Variants in CNTNAP1 observed in about 807,000 individuals in gnomAD.
CNTNAP1 encodes the protein contactin-associated protein 1.
Under a neutral mutation model 161.5 loss-of-function variants are expected in CNTNAP1, and 80 were observed. That is an observed-to-expected ratio of 0.50 (90% confidence interval 0.41 to 0.60). CNTNAP1 has a LOEUF of 0.60. Ranked by LOEUF, CNTNAP1 falls within the 20% of genes least tolerant of loss-of-function variation. The pLI is 0.00. For missense variants in CNTNAP1, 1,464 were observed against 1,854.8 expected (o/e 0.79, Z 3.87); for synonymous variants, 695 against 733.1 (o/e 0.95, Z 0.84).
intron 1 of CNTNAP1, chr17:42,683,450 T>G: frequency 8.2e-6 from 9 of 1,094,828 alleles, no homozygotes; most frequent in South Asian, 2.9e-5. Flanking sequence ...GGGGGCCGAG[T>G]TGGATTGAGG....
chr17:42,686,697 G>C (rs1790195274), intron 6 of CNTNAP1, among the ~76,000 whole-genome samples: 1 of 152,216 alleles, frequency 6.6e-6, no homozygotes, highest in Admixed American at 6.5e-5. Context: ...TTGCCCAAGG[G>C]CGTGCAGCCG....
chr17:42,691,995 A>G lies in CNTNAP1; in HGVS notation c.2530+4A>G. ...TATGTGCGGGTGGAACTCAACAGTGAGCAGGCAGACTGTGGGAGGGCCTCG... is the reference window on the plus strand; with the variant it reads ...TATGTGCGGGTGGAACTCAACAGTGGGCAGGCAGACTGTGGGAGGGCCTCG... On this transcript the variant is annotated splice_donor_region_variant and intron_variant, in intron 16 of 23. Transcript: ENST00000264638. This position sits in a 1 kb window ranked among gnomAD's most constrained non-coding sequence, Gnocchi z 4.3. 6.2e-7 allele frequency: 1 copy of G among 1,612,728 alleles called. No homozygotes were observed.
chr17:42,689,583 G>T lies in CNTNAP1; in HGVS notation c.1691G>T (p.Cys564Phe). 1 of 1,613,912 alleles carries T rather than the reference G, an allele frequency of 6.2e-7. No homozygotes were observed. The highest frequency in any genetic ancestry group is 2.2e-5 in the East Asian group (1 of 44,846). The change falls in exon 11 of 24, where the codon TGC becomes TTC. Residue 564 changes from cysteine to phenylalanine, a missense_variant. Transcript: ENST00000264638. ...RCYQSWDDFI[C>F]YCELTGYKGE... is the part of the protein sequence containing the mutation. ...TACCAGTCTTGGGATGACTTCATTT[G>T]CTACTGCGAACTGACGGGCTACAAG...
intron 6 of CNTNAP1, 110 bp from the exon 7 acceptor site, chr17:42,686,793 G>A: frequency 1.5e-6 from 2 of 1,303,780 alleles, no homozygotes; most frequent in Non-Finnish European, 2.1e-6. Flanking sequence ...TGTGTTTTAA[G>A]TCTTTTACAA....
intron 6 of CNTNAP1, among the ~76,000 whole-genome samples, chr17:42,686,418 T>TTC: frequency 6.6e-6 from 1 of 150,594 alleles, no homozygotes; most frequent in African/African-American, 2.4e-5. Flanking sequence ...TTCCAATTCC[T>TTC]GAATATCCTA....
chr17:42,688,772 T>C, intron 9 of CNTNAP1, 104 bp from the exon 10 acceptor site: 3 of 1,524,642 alleles, frequency 2.0e-6, no homozygotes, highest in South Asian at 1.2e-5. Context: ...ACTTTGGTTG[T>C]AGTCCCCTTT....
In CNTNAP1 at chr17:42,693,304, A is replaced by C; in HGVS notation, c.2760A>C (p.Ala920=). Residue 920 remains alanine, a synonymous_variant, in exon 18 of 24, where the codon GCA becomes GCC. Transcript: ENST00000264638. Reference sequence around the variant, plus strand: ...GTTGCCTACCCTTCCCAGGATCTGCAGAGCTTAAGAGACGCCCCTTTGTGG... The same window carrying C: ...GTTGCCTACCCTTCCCAGGATCTGCCGAGCTTAAGAGACGCCCCTTTGTGG... ...EYDQPLYVGS[A]ELKRRPFVGC... 6.2e-7 allele frequency: 1 copy of C among 1,614,118 alleles called. No homozygotes were observed. The highest frequency in any genetic ancestry group is 8.5e-7 in the Non-Finnish European group (1 of 1,179,996).
intron 2 of CNTNAP1, 28 bp from the exon 3 acceptor site, chr17:42,684,008 C>T (rs2052973246): frequency 1.9e-6 from 3 of 1,613,296 alleles, no homozygotes; most frequent in African/African-American, 2.7e-5. Context: ...AGAGGGATAG[C>T]CGGTTAAAGC....
chr17:42,684,370 T>C (rs1258718496), intron 3 of CNTNAP1, 141 bp downstream of exon 3: 2 of 767,660 alleles, frequency 2.6e-6, no homozygotes, highest in East Asian at 2.5e-5. Flanking sequence ...AGGGACTCTG[T>C]CCAGAGGGAC....
At position 42,692,648 on chromosome 17, in the gene CNTNAP1, C is replaced by T. The variant is rs148513528; in HGVS notation, c.2680C>T (p.Arg894Trp). Reference sequence around the variant, plus strand: ...GCAGGCCCGGCTCCGAGTGGATCACCGGCCCTGGGTTCTGCGGCCTATGCC... The same window carrying T: ...GCAGGCCCGGCTCCGAGTGGATCACTGGCCCTGGGTTCTGCGGCCTATGCC... Reference protein sequence around the residue: ...VKQARLRVDHRPWVLRPMPLQ... With the variant: ...VKQARLRVDHWPWVLRPMPLQ... Residue 894 changes from arginine to tryptophan, a missense_variant, in exon 17 of 24, where the codon CGG becomes TGG. Physicochemically the swap from Arg to Trp is moderately radical, Grantham distance 101 (BLOSUM62 -3). Transcript: ENST00000264638. The T allele has an allele frequency of 1.9e-5, 31 of 1,614,076 alleles. No homozygotes were observed. Among genetic ancestry groups the T allele is most frequent in the East Asian group, 1.1e-4 (5 of 44,900 alleles).
chr17:42,689,449 G>A (rs2053057694), intron 10 of CNTNAP1, 72 bp from the exon 11 acceptor site: 1 of 1,227,468 alleles, frequency 8.1e-7, no homozygotes, highest in Non-Finnish European at 1.2e-6. Context: ...TGGGAGTGAA[G>A]CTTGCAGGGA....
Position 42,688,544 on chromosome 17 carries a change from G to C in CNTNAP1, c.1389G>C (p.Val463=). ...ATGCAGTTATCAGCATTGATGATGT[G>C]GAAGGGGCAGAGGTCAGGGTCTCAT... is the stretch of plus-strand genomic sequence containing the variant. ...ENHAVISIDD[V]EGAEVRVSYP... Residue 463 remains valine, a synonymous_variant, in exon 9 of 24, where the codon GTG becomes GTC. Transcript: ENST00000264638. 1 of 1,614,204 alleles carries C rather than the reference G, an allele frequency of 6.2e-7. No homozygotes were observed. The highest frequency in any genetic ancestry group is 8.5e-7 in the Non-Finnish European group (1 of 1,180,032).
Position 42,689,865 on chromosome 17 carries a change from T to G in CNTNAP1, c.1736-223T>G, listed in dbSNP as rs1690524685. On this transcript the variant is annotated intron_variant, in intron 11 of 23. Transcript: ENST00000264638. ...AAGCGATTCTCCTGCCTCAGCCTCCTAAGTAGCTGGGACTACAGGTGCACA... is the reference window on the plus strand; with the variant it reads ...AAGCGATTCTCCTGCCTCAGCCTCCGAAGTAGCTGGGACTACAGGTGCACA... 11 of 579,922 alleles carry G rather than the reference T, an allele frequency of 1.9e-5. No individual in the cohort carries two copies. In the South Asian group the frequency reaches 1.9e-4, roughly 10 times the overall value. 35.9% of individuals were successfully genotyped at this position (579,922 alleles called of 1,614,324 possible).
chr17:42,698,855 C>G lies in CNTNAP1; in HGVS notation c.4100C>G (p.Pro1367Arg), dbSNP rs1022684402. Reference protein sequence around the residue: ...PAPAPTPAPAPGPRDQNLPQI... With the variant: ...PAPAPTPAPARGPRDQNLPQI... ...CCAGCCCCAACTCCAGCCCCAGCCC[C>G]TGGCCCCCGGGATCAGAACCTACCC... The change falls in exon 24 of 24, where the codon CCT (proline) becomes CGT (arginine). Residue 1367 changes from proline (P) to arginine (R), a missense_variant. Coordinates refer to ENST00000264638, the MANE Select transcript of CNTNAP1 (RefSeq NM_003632.3). The G allele has an allele frequency of 1.9e-6, 3 of 1,591,430 alleles. No homozygotes were observed. Among genetic ancestry groups the G allele is most frequent in the Non-Finnish European group, 2.6e-6 (3 of 1,174,606 alleles).
rs1281361508 is a variant in CNTNAP1 at position 42,699,353 on chromosome 17, C to T, written c.*443C>T. The T allele has an allele frequency of 1.3e-5, 2 of 155,424 alleles. No homozygotes were observed. The highest frequency in any genetic ancestry group is 2.4e-5 in the African/African-American group (1 of 41,550). 9.6% of individuals were successfully genotyped at this position (155,424 alleles called of 1,614,324 possible). A position where few individuals can be genotyped will look rare whatever the true frequency, so the allele number is the denominator to read the frequency against. On this transcript the variant is annotated 3_prime_UTR_variant, in exon 24 of 24. Coordinates refer to ENST00000264638, the MANE Select transcript of CNTNAP1 (RefSeq NM_003632.3). ...GGAGGAGGCTGCTAAACCCTATCCCCCAGCCTCCCCCCTGCCCTGAAGATC... is the reference window on the plus strand; with the variant it reads ...GGAGGAGGCTGCTAAACCCTATCCCTCAGCCTCCCCCCTGCCCTGAAGATC...
In CNTNAP1 at chr17:42,692,560, C is replaced by T. The variant is rs2053101195; in HGVS notation, c.2592C>T (p.His864=). 2.5e-6 allele frequency: 4 copies of T among 1,614,226 alleles called. No homozygotes were observed. The highest frequency in any genetic ancestry group is 2.5e-6 in the Non-Finnish European group (3 of 1,180,036). ...ATGGGGATGAGAACCTCACAGTACACTCAGACGACTTTGAGTTCAATGATG... is the reference window on the plus strand; with the variant it reads ...ATGGGGATGAGAACCTCACAGTACATTCAGACGACTTTGAGTTCAATGATG... ...VGNGDENLTV[H]SDDFEFNDDE... Residue 864 remains histidine (H), a synonymous_variant, in exon 17 of 24, where the codon CAC becomes CAT. Coordinates refer to ENST00000264638, the MANE Select transcript of CNTNAP1 (RefSeq NM_003632.3).
chr17:42,687,763 T>G lies in CNTNAP1; in HGVS notation c.1088T>G (p.Ile363Ser). 6.2e-7 allele frequency: 1 copy of G among 1,614,206 alleles called. No homozygotes were observed. Among genetic ancestry groups the G allele is most frequent in the Non-Finnish European group, 8.5e-7 (1 of 1,180,026 alleles). ...TGCCTGGACCCGGTACCGCACCCTA[T>G]CAACTTCGGAGGCCCTCACAACTTC... ...FRCLDPVPHPINFGGPHNFVQ... is the reference protein window; with the variant it reads ...FRCLDPVPHPSNFGGPHNFVQ... Residue 363 changes from isoleucine to serine, a missense_variant, in exon 8 of 24, where the codon ATC (isoleucine) becomes AGC (serine). Ile to Ser is a moderately radical substitution (Grantham distance 142). Coordinates refer to ENST00000264638, the MANE Select transcript of CNTNAP1 (RefSeq NM_003632.3). This position sits in a 1 kb window ranked among gnomAD's most constrained non-coding sequence, Gnocchi z 4.7.
In CNTNAP1 at chr17:42,695,855, T is replaced by C. The variant is rs1288967495; in HGVS notation, c.3327T>C (p.Ala1109=). Reference sequence around the variant, plus strand: ...GTTCCTTTGTTCGTGACTACATGGCTGTGCTCATCAAGGATGATGGTAAGC... The same window carrying C: ...GTTCCTTTGTTCGTGACTACATGGCCGTGCTCATCAAGGATGATGGTAAGC... ...YVSSFVRDYM[A]VLIKDDGTLQ... is the part of the protein sequence containing the mutation. Residue 1109 remains alanine (A), a synonymous_variant, in exon 19 of 24, where the codon GCT becomes GCC. Coordinates refer to ENST00000264638, the MANE Select transcript of CNTNAP1 (RefSeq NM_003632.3). 1.2e-6 allele frequency: 2 copies of C among 1,613,232 alleles called. No homozygotes were observed. Among genetic ancestry groups the C allele is most frequent in the Non-Finnish European group, 1.7e-6 (2 of 1,179,392 alleles).
Position 42,695,825 on chromosome 17 carries a change from C to T in CNTNAP1, c.3297C>T (p.Tyr1099=), listed in dbSNP as rs199565455. The T allele has an allele frequency of 1.2e-3, 1,879 of 1,614,186 alleles. 2 individuals carry two copies. The highest frequency in any genetic ancestry group is 1.4e-3 in the Non-Finnish European group (1,667 of 1,180,030). ...GCTCCGCCCCTGCTGTCCTGCTCTA[C>T]GTCAGTTCCTTTGTTCGTGACTACA... is the stretch of plus-strand genomic sequence containing the variant. ...STSSAPAVLL[Y]VSSFVRDYMA... The change falls in exon 19 of 24, where the codon TAC becomes TAT. Residue 1099 remains tyrosine, a synonymous_variant. Transcript: ENST00000264638.
Sources: allele counts gnomAD v4.1 joint callset (sites outside exome capture counted in the v4.1 genomes callset), GRCh38; gene constraint gnomAD v4.1.1; non-coding constraint Gnocchi (gnomAD v3.1); transcripts MANE v1.5; gene names NCBI Gene and HGNC (gene_info 2026-07-23, HGNC 2026-07-21).